The following LRRFIP2 variants were observed in gnomAD, a reference collection of about 807,000 sequenced individuals.
LRRFIP2 encodes the protein LRR binding FLII interacting protein 2.
A neutral mutation model predicts 125.9 loss-of-function variants in LRRFIP2; 109 were observed. The ratio of observed to expected loss-of-function variants is 0.87; its 90% CI spans 0.74 to 1.01. The LOEUF (loss-of-function observed/expected upper bound fraction) is 1.01, where lower values mean the gene tolerates loss of function less well. Ranked by LOEUF, LRRFIP2 falls within the 50% of genes least tolerant of loss-of-function variation. LRRFIP2 has a pLI of 0.00. For synonymous variants in LRRFIP2, 291 were observed against 293.1 expected, an observed-to-expected ratio of 0.99 and a Z score of 0.07; for missense variants, 850 against 862.3, an observed-to-expected ratio of 0.99 and a Z score of 0.18.
In LRRFIP2 at chr3:37,055,122, T is replaced by A. The variant is rs200757986; in HGVS notation, c.1914A>T (p.Ser638=). The part of the protein sequence containing the change: ...RQISEYKFKL[S]KAEQDITTLE... ...AGGTAGTTATATCCTGTTCTGCTTT[T>A]GAAAGCTTAAATTTGTATTCGCTAA... is the stretch of plus-strand genomic sequence containing the variant. The change falls in exon 26 of 28, where the codon TCA becomes TCT. Residue 638 remains serine, a synonymous_variant. Coordinates refer to ENST00000336686, the MANE Select transcript of LRRFIP2 (RefSeq NM_006309.4). 1 of 1,597,272 alleles carries A rather than the reference T, an allele frequency of 6.3e-7. No individual in the cohort carries two copies. The highest frequency in any genetic ancestry group is 2.3e-5 in the East Asian group (1 of 44,286).
chr3:37,134,710 C>A (rs2095514176), intron 2 of LRRFIP2: 2 of 766,540 alleles, frequency 2.6e-6, no homozygotes, highest in East Asian at 6.3e-5. Context: ...CATGACCCTC[C>A]AGCACAATGT....
chr3:37,153,717 G>T (rs1281868998), intron 1 of LRRFIP2, among the ~76,000 whole-genome samples: 3 of 152,124 alleles, frequency 2.0e-5, no homozygotes, highest in African/African-American at 7.2e-5. Context: ...AGACAGCCCT[G>T]AGAAAGAGAT....
At chr3:37,145,245 G>T (rs1047595674) in intron 2 of LRRFIP2, among the ~76,000 whole-genome samples, 1 of 152,106 alleles carries the variant, frequency 6.6e-6, no homozygotes, top group Non-Finnish European at 1.5e-5. Context: ...ATCTTTTTCT[G>T]ATGTCAAACA....
At chr3:37,107,730 T>C (rs1200930656) in intron 13 of LRRFIP2, among the ~76,000 whole-genome samples, 1 of 152,116 alleles carries the variant, frequency 6.6e-6, no homozygotes, top group Non-Finnish European at 1.5e-5. Flanking sequence ...ATGTGCAGAA[T>C]GTAAAGATAG....
At chr3:37,168,289 A>G (rs1183349825) in intron 1 of LRRFIP2, among the ~76,000 whole-genome samples, 4 of 152,242 alleles carry the variant, frequency 2.6e-5, no homozygotes. Context: ...CAACCCATCT[A>G]TCAAAAGATG....
intron 20 of LRRFIP2, 83 bp from the exon 21 acceptor site, chr3:37,072,965 G>T: frequency 1.1e-6 from 1 of 877,040 alleles, no homozygotes; most frequent in Admixed American, 2.5e-5. Context: ...CAAAAATAAA[G>T]CCGATAAAGA....
At chr3:37,090,217 T>TG (rs1355910908) in intron 18 of LRRFIP2, among the ~76,000 whole-genome samples, 23 of 144,464 alleles carry the variant, frequency 1.6e-4, no homozygotes, top group South Asian at 4.3e-4. Context: ...TATTTTACTT[T>TG]TTTTGTTTGT....
At chr3:37,130,381 C>T (rs2095396597) in intron 2 of LRRFIP2, among the ~76,000 whole-genome samples, 1 of 152,106 alleles carries the variant, frequency 6.6e-6, no homozygotes, top group African/African-American at 2.4e-5. Flanking sequence ...TAAAATCCTC[C>T]ACCAACTCCT....
chr3:37,129,686 T>G (rs1201553562), intron 2 of LRRFIP2, among the ~76,000 whole-genome samples: 1 of 152,138 alleles, frequency 6.6e-6, no homozygotes, highest in African/African-American at 2.4e-5. Flanking sequence ...ATCATCAAAT[T>G]CACTATTTAA....
At chr3:37,126,518 A>G (rs893110937) in intron 4 of LRRFIP2, among the ~76,000 whole-genome samples, 5 of 151,936 alleles carry the variant, frequency 3.3e-5, no homozygotes, top group African/African-American at 1.2e-4. Flanking sequence ...ATGAAAATCT[A>G]GCGTACTCAC....
chr3:37,112,258 C>G (rs974338891), intron 8 of LRRFIP2, among the ~76,000 whole-genome samples: 1 of 151,064 alleles, frequency 6.6e-6, no homozygotes, highest in Admixed American at 6.6e-5. Flanking sequence ...ATCGCTTGAA[C>G]CTGGGAGGTG....
At chr3:37,154,078 G>A (rs1222752691) in intron 1 of LRRFIP2, among the ~76,000 whole-genome samples, 1 of 152,040 alleles carries the variant, frequency 6.6e-6, no homozygotes, top group African/African-American at 2.4e-5. Flanking sequence ...GGGAGGCTGA[G>A]GTGGGAGGAC....
chr3:37,083,926 G>A (rs1015905371), intron 18 of LRRFIP2, 120 bp from the exon 19 acceptor site: 15 of 716,196 alleles, frequency 2.1e-5, no homozygotes, highest in South Asian at 2.1e-5. Context: ...AAATACAAGC[G>A]GTTTGGGGAA....
At chr3:37,156,222 G>A (rs1420181969) in intron 1 of LRRFIP2, among the ~76,000 whole-genome samples, 1 of 152,068 alleles carries the variant, frequency 6.6e-6, no homozygotes, top group Non-Finnish European at 1.5e-5. Context: ...GCTCACACCT[G>A]TAATCCCAGC....
chr3:37,119,795 G>A (rs1226522812), intron 6 of LRRFIP2, among the ~76,000 whole-genome samples: 1 of 152,064 alleles, frequency 6.6e-6, no homozygotes, highest in Non-Finnish European at 1.5e-5. Flanking sequence ...AAGTAGCTGG[G>A]ATTACAGGCG....
intron 27 of LRRFIP2, 49 bp from the exon 28 acceptor site, chr3:37,054,010 C>T: frequency 1.9e-6 from 2 of 1,069,556 alleles, no homozygotes; most frequent in Non-Finnish European, 2.9e-6. Flanking sequence ...AAACAACATC[C>T]AGTGCTACTC....
chr3:37,123,822 G>C (rs2095168554), intron 4 of LRRFIP2, among the ~76,000 whole-genome samples: 1 of 151,904 alleles, frequency 6.6e-6, no homozygotes, highest in South Asian at 2.1e-4. Context: ...CTCACCTAAA[G>C]AGCATATCCC....
In LRRFIP2 at chr3:37,083,764, C is replaced by T; in HGVS notation, c.1150G>A (p.Val384Ile). ...EVEEKYKKAM[V>I]SNAQLDNEKN... ...TCATTGTCTAACTGTGCATTGGAAACCATGGCTTTCTTGTATTTTTCTTCC... is the reference window on the plus strand; with the variant it reads ...TCATTGTCTAACTGTGCATTGGAAATCATGGCTTTCTTGTATTTTTCTTCC... Residue 384 changes from valine to isoleucine, a missense_variant, in exon 19 of 28, where the codon GTT becomes ATT. Val to Ile is a conservative substitution (Grantham distance 29). Transcript: ENST00000336686. The T allele has an allele frequency of 2.5e-6, 4 of 1,596,112 alleles. No individual in the cohort carries two copies. Among genetic ancestry groups the T allele is most frequent in the Non-Finnish European group, 3.4e-6 (4 of 1,174,724 alleles).
At chr3:37,074,924 ACT>A in intron 20 of LRRFIP2, 98 bp downstream of exon 20, 2 of 759,416 alleles carry the variant, frequency 2.6e-6, no homozygotes, top group East Asian at 2.5e-5. Flanking sequence ...AAAGAGACAA[ACT>A]CTGATGCATC....
Sources: allele counts gnomAD v4.1 joint callset (sites outside exome capture counted in the v4.1 genomes callset), GRCh38; gene constraint gnomAD v4.1.1; transcripts MANE v1.5; gene names NCBI Gene and HGNC (gene_info 2026-07-23, HGNC 2026-07-21).